UNC13C: variants seen among roughly 807,000 people sequenced by gnomAD.
UNC13C encodes protein unc-13 homolog C.
Under a neutral mutation model 245.4 loss-of-function variants are expected in UNC13C, and 174 were observed. The observed-to-expected ratio is 0.71, with a 90% CI of 0.63 to 0.80. The LOEUF (loss-of-function observed/expected upper bound fraction) is 0.80. UNC13C is among the 30% of genes least tolerant of loss of function. The probability of loss-of-function intolerance (pLI) is 0.00; values close to 1 mark genes in which losing one functional copy is unlikely to be tolerated. For missense variants in UNC13C, 2,829 were observed against 2,602.9 expected (o/e 1.09, Z -1.89); for synonymous variants, 992 against 895.1 (o/e 1.11, Z -1.93).
At chr15:53,862,028 T>C in the UNC13C span, among the ~76,000 whole-genome samples, 1 of 152,122 alleles carries the variant, frequency 6.6e-6, no homozygotes, top group Admixed American at 6.6e-5. Flanking sequence ...TGGGCTGCTA[T>C]AACAAAATAC....
At chr15:54,117,523 T>TTCTCTCTCTCTCTC (rs56332846) in intron 2 of UNC13C, among the ~76,000 whole-genome samples, 43 of 102,104 alleles carry the variant, frequency 4.2e-4, no homozygotes, top group East Asian at 1.7e-3. Context: ...ACTATTATGT[T>TTCTCTCTCTCTCTC]TCTCTCTCTC....
intron 10 of UNC13C, among the ~76,000 whole-genome samples, chr15:54,277,353 G>T (rs2036859485): frequency 6.6e-6 from 1 of 152,158 alleles, no homozygotes; most frequent in African/African-American, 2.4e-5. Flanking sequence ...ACTAAAATAA[G>T]AAGTAGGAAG....
Position 54,338,270 on chromosome 15 carries a change from A to G in UNC13C, c.4585-91A>G. Reference sequence around the variant, plus strand: ...TACTGAACATAGAAAAATCGACTGAAAGTATTTATTGAATATATATTTGAG... The same window carrying G: ...TACTGAACATAGAAAAATCGACTGAGAGTATTTATTGAATATATATTTGAG... On this transcript the variant is annotated intron_variant, in intron 16 of 32. Coordinates refer to ENST00000260323, the MANE Select transcript of UNC13C (RefSeq NM_001080534.3). The G allele has an allele frequency of 2.9e-6, 4 of 1,373,996 alleles. No individual in the cohort carries two copies. The South Asian group carries it at 7.7e-5, about 26-fold the overall frequency. The allele number at this position is 1,373,996 out of a possible 1,614,324, so 85.1% of individuals were successfully genotyped here.
intron 19 of UNC13C, among the ~76,000 whole-genome samples, chr15:54,487,581 A>G (rs1164539055): frequency 1.3e-5 from 2 of 152,056 alleles, no homozygotes; most frequent in Admixed American, 6.5e-5. Context: ...AGCCTGGCCA[A>G]CATAATGAAA....
chr15:54,135,168 T>A lies in UNC13C; in HGVS notation c.2984-7850T>A, dbSNP rs146574199. 3.3e-3 allele frequency among the ~76,000 whole-genome samples: 497 copies of A among 152,346 alleles called. 6 individuals carry two copies. The highest frequency in any genetic ancestry group is 0.012 in the African/African-American group (488 of 41,578). ...GCCAATTTATTAATCAAAGAGTTTG[T>A]GATTTTGCTATGGAGTTATATATTT... On this transcript the variant is annotated intron_variant, in intron 2 of 32. Transcript: ENST00000260323.
intron 2 of UNC13C, among the ~76,000 whole-genome samples, chr15:54,059,581 C>T (rs1480063191): frequency 6.6e-6 from 1 of 152,132 alleles, no homozygotes; most frequent in African/African-American, 2.4e-5. Context: ...ATCAAGCTAC[C>T]AATGACTTTC....
At chr15:54,171,609 G>T (rs72748214) in intron 4 of UNC13C, among the ~76,000 whole-genome samples, 6,860 of 152,124 alleles carry the variant, frequency 0.045, 188 homozygotes, top group Middle Eastern at 0.099. Context: ...AATAACAAAT[G>T]CTGGTGAGAA....
chr15:54,524,797 G>T (rs1895374816), intron 24 of UNC13C, among the ~76,000 whole-genome samples: 1 of 152,106 alleles, frequency 6.6e-6, no homozygotes, highest in Admixed American at 6.5e-5. Context: ...TTCAATAGTA[G>T]ATCAGCTTGG....
chr15:53,856,663 A>G, the UNC13C span, among the ~76,000 whole-genome samples: 2 of 152,072 alleles, frequency 1.3e-5, no homozygotes, highest in Non-Finnish European at 2.9e-5. Flanking sequence ...AGATACTGTT[A>G]TGATTTCAGT....
intron 2 of UNC13C, among the ~76,000 whole-genome samples, chr15:54,102,588 A>T (rs1158211776): frequency 1.3e-5 from 2 of 152,328 alleles, no homozygotes; most frequent in South Asian, 4.1e-4. Context: ...AAAAACAACA[A>T]CTAAATTATA....
At chr15:53,867,762 T>G in the UNC13C span, among the ~76,000 whole-genome samples, 1 of 152,216 alleles carries the variant, frequency 6.6e-6, no homozygotes. Context: ...TGTAAAATAA[T>G]AACTTTTGCA....
chr15:54,319,779 A>T (rs1051856229), intron 13 of UNC13C, among the ~76,000 whole-genome samples: 1 of 151,944 alleles, frequency 6.6e-6, no homozygotes, highest in Non-Finnish European at 1.5e-5. Context: ...GGATCACATT[A>T]TATAGTGAAA....
chr15:54,276,613 T>C (rs991145694), intron 10 of UNC13C, among the ~76,000 whole-genome samples: 1 of 152,122 alleles, frequency 6.6e-6, no homozygotes, highest in Non-Finnish European at 1.5e-5. Context: ...GTAGATAGTA[T>C]AGCCAGAACC....
the UNC13C span, among the ~76,000 whole-genome samples, chr15:53,865,259 T>G: frequency 4.6e-5 from 7 of 152,188 alleles, 1 homozygote; most frequent in South Asian, 1.4e-3. Flanking sequence ...TTCATTCCAT[T>G]GAGTGACCGC....
intron 2 of UNC13C, among the ~76,000 whole-genome samples, chr15:54,054,779 A>G (rs12437689): frequency 0.39 from 58,640 of 151,764 alleles, 12,924 homozygotes; most frequent in Middle Eastern, 0.53. Context: ...CCCAAATGAC[A>G]TTTTCACGAA....
chr15:54,234,610 G>A (rs990962408), intron 4 of UNC13C, among the ~76,000 whole-genome samples: 1 of 152,140 alleles, frequency 6.6e-6, no homozygotes, highest in African/African-American at 2.4e-5. Flanking sequence ...TGAAGCAGAA[G>A]CACACAATAA....
intron 30 of UNC13C, among the ~76,000 whole-genome samples, chr15:54,596,133 A>C (rs143769811): frequency 7.0e-4 from 107 of 152,324 alleles, no homozygotes; most frequent in Non-Finnish European, 7.3e-5. Context: ...GGTTTGAGCT[A>C]CTGAATCTGG....
In UNC13C at chr15:54,152,672, A is replaced by G. The variant is rs2032572821; in HGVS notation, c.3071+8988A>G. ...GTAACTACAGAAAATATCATGTTAC[A>G]TTGAGCAGAATAATCACTTGTGTTA... On this transcript the variant is annotated intron_variant, in intron 4 of 32. Transcript: ENST00000260323. Among the ~76,000 whole-genome samples the G allele has an allele frequency of 2.6e-5, 4 of 152,196 alleles. No homozygotes were observed. The South Asian group carries it at 6.2e-4, about 24-fold the overall frequency.
intron 10 of UNC13C, among the ~76,000 whole-genome samples, chr15:54,279,242 G>A (rs958078221): frequency 5.9e-5 from 9 of 152,134 alleles, no homozygotes; most frequent in African/African-American, 1.9e-4. Context: ...GAGGACTGAG[G>A]AATAACCAAC....
Sources: gnomAD v4.1 joint callset for allele counts (sites outside exome capture counted in the v4.1 genomes callset) on GRCh38, gnomAD v4.1.1 for gene constraint, MANE v1.5 for transcripts, NCBI Gene and HGNC (gene_info 2026-07-23, HGNC 2026-07-21) for gene names.